Variants in SLC35F3 observed in about 807,000 individuals in gnomAD.
The protein encoded by SLC35F3 is solute carrier family 35 member F3.
A neutral mutation model predicts 49.9 loss-of-function variants in SLC35F3; 25 were observed. The ratio of observed to expected loss-of-function variants is 0.50; its 90% CI spans 0.37 to 0.70. The LOEUF (loss-of-function observed/expected upper bound fraction) is 0.70, where lower values mean the gene tolerates loss of function less well. Ranked by LOEUF, SLC35F3 falls within the 30% of genes least tolerant of loss-of-function variation. SLC35F3 has a pLI of 0.00. For missense variants in SLC35F3, 525 were observed against 639.8 expected, an observed-to-expected ratio of 0.82 and a Z score of 1.94; for synonymous variants, 275 against 265.4, an observed-to-expected ratio of 1.04 and a Z score of -0.35.
chr1:234,156,914 G>T (rs562642857), intron 2 of SLC35F3, among the ~76,000 whole-genome samples: 6 of 152,270 alleles, frequency 3.9e-5, no homozygotes, highest in African/African-American at 1.4e-4. Flanking sequence ...GATTAGGTAA[G>T]CGCAGAGAGA....
rs112425777 is a variant in SLC35F3, at chr1:234,165,322, T to C, written c.284-66095T>C. ...ATTCTGTCATCATCTGGTTTTATCC[T>C]CTCTCTTATAATTCAGTCGCTATTA... On this transcript the variant is annotated intron_variant, in intron 2 of 7. Transcript: ENST00000366618. Among the ~76,000 whole-genome samples, 1,155 of 152,270 alleles carry C rather than the reference T, an allele frequency of 7.6e-3. 20 individuals carry two copies. The highest frequency in any genetic ancestry group is 0.025 in the African/African-American group (1,044 of 41,540).
chr1:234,268,359 A>AGGCG (rs1572125678), intron 3 of SLC35F3, among the ~76,000 whole-genome samples: 2 of 146,934 alleles, frequency 1.4e-5, no homozygotes, highest in Non-Finnish European at 3.0e-5. Flanking sequence ...GCAGGCTGTC[A>AGGCG]GGAGAATCAG....
At chr1:234,147,888 T>C (rs919866067) in intron 2 of SLC35F3, among the ~76,000 whole-genome samples, 8 of 152,232 alleles carry the variant, frequency 5.3e-5, no homozygotes, top group Non-Finnish European at 1.2e-4. Flanking sequence ...ACCTGGTGAT[T>C]GGCATCTCTA....
At chr1:234,278,202 AT>A (rs1023628343) in intron 3 of SLC35F3, among the ~76,000 whole-genome samples, 6 of 151,724 alleles carry the variant, frequency 4.0e-5, no homozygotes, top group South Asian at 2.1e-4. Flanking sequence ...CGAAAAAAAA[AT>A]AAAAGGGCCG....
intron 2 of SLC35F3, among the ~76,000 whole-genome samples, chr1:234,040,828 A>T (rs1181635546): frequency 6.6e-6 from 1 of 152,180 alleles, no homozygotes; most frequent in Non-Finnish European, 1.5e-5. Flanking sequence ...TTATTCTGGG[A>T]TATGTCTGAA....
At chr1:233,993,903 C>T (rs1379059206) in intron 2 of SLC35F3, among the ~76,000 whole-genome samples, 2 of 152,156 alleles carry the variant, frequency 1.3e-5, no homozygotes, top group Admixed American at 6.5e-5. Context: ...CCCAACCTGC[C>T]GCATGCTCAA....
At chr1:234,108,721 A>C in intron 2 of SLC35F3, among the ~76,000 whole-genome samples, 1 of 71,830 alleles carries the variant, frequency 1.4e-5, no homozygotes, top group South Asian at 6.5e-4. Context: ...TAAAAGATAT[A>C]TATAAATATA....
chr1:233,999,406 C>T (rs1040256639), intron 2 of SLC35F3, among the ~76,000 whole-genome samples: 23 of 152,118 alleles, frequency 1.5e-4, no homozygotes, highest in Admixed American at 7.9e-4. Context: ...CCACTCTTAT[C>T]CTATTTCTCT....
chr1:234,146,403 A>G (rs1665995750), intron 2 of SLC35F3, among the ~76,000 whole-genome samples: 1 of 149,112 alleles, frequency 6.7e-6, no homozygotes, highest in Non-Finnish European at 1.5e-5. Flanking sequence ...TTTAGTTTTT[A>G]ATTTTTATGG....
At chr1:234,134,912 G>T (rs1017095061) in intron 2 of SLC35F3, among the ~76,000 whole-genome samples, 1 of 152,026 alleles carries the variant, frequency 6.6e-6, no homozygotes, top group African/African-American at 2.4e-5. Flanking sequence ...AGTAGAGACG[G>T]GGTTTAGCTT....
At chr1:234,130,595 C>T (rs1299033339) in intron 2 of SLC35F3, among the ~76,000 whole-genome samples, 3 of 149,238 alleles carry the variant, frequency 2.0e-5, no homozygotes, top group Non-Finnish European at 4.4e-5. Context: ...GCCGAGAGAT[C>T]GTGCCACTGC....
intron 2 of SLC35F3, among the ~76,000 whole-genome samples, chr1:234,130,738 C>T (rs1429570692): frequency 6.6e-6 from 1 of 151,720 alleles, no homozygotes; most frequent in Non-Finnish European, 1.5e-5. Context: ...CATATATTGG[C>T]ACCATCACTT....
intron 2 of SLC35F3, among the ~76,000 whole-genome samples, chr1:233,943,251 C>T (rs1662458466): frequency 6.6e-6 from 1 of 152,182 alleles, no homozygotes. Context: ...AAAGAGTGGT[C>T]TATAGGTGTC....
chr1:233,972,735 A>G (rs767520454), intron 2 of SLC35F3, among the ~76,000 whole-genome samples: 1 of 152,236 alleles, frequency 6.6e-6, no homozygotes, highest in Admixed American at 6.5e-5. Flanking sequence ...TCTCTGTTCA[A>G]ACATTACTTG....
intron 3 of SLC35F3, among the ~76,000 whole-genome samples, chr1:234,307,691 G>C (rs988272881): frequency 1.3e-5 from 2 of 152,160 alleles, no homozygotes. Context: ...ATTTGGGACT[G>C]AGTCTATTTC....
chr1:234,170,655 G>A (rs1157114074), intron 2 of SLC35F3, among the ~76,000 whole-genome samples: 1 of 152,124 alleles, frequency 6.6e-6, no homozygotes, highest in East Asian at 1.9e-4. Flanking sequence ...TATAAGTGCA[G>A]CATTCACAAC....
chr1:234,310,954 C>T (rs1657339858), intron 4 of SLC35F3, among the ~76,000 whole-genome samples: 3 of 152,198 alleles, frequency 2.0e-5, no homozygotes, highest in African/African-American at 7.2e-5. Context: ...ATGGCACATT[C>T]CGGCCATGGT....
rs781469880 is a variant in SLC35F3 at position 234,081,904 on chromosome 1, ATTTTTTTTTTTT to A, written c.284-149492_284-149481del. ...AGGCGCCTGCCACCATGCCTGGCTA[ATTTTTTTTTTTT>A]TTTTTTTTTTTTTTTTTTTTAGTAG... On this transcript the variant is annotated intron_variant, in intron 2 of 7. Coordinates refer to ENST00000366618, the MANE Select transcript of SLC35F3 (RefSeq NM_173508.4). Among the ~76,000 whole-genome samples the A allele has an allele frequency of 4.6e-3, 179 of 39,242 alleles. 4 individuals are homozygous for A. Among genetic ancestry groups the A allele is most frequent in the African/African-American group, 0.02 (149 of 7,472 alleles). 25.7% of individuals were successfully genotyped at this position (39,242 alleles called of 152,430 possible). A position where few individuals can be genotyped will look rare whatever the true frequency, so the allele number is the denominator to read the frequency against.
chr1:234,131,790 G>A (rs10910352), intron 2 of SLC35F3, among the ~76,000 whole-genome samples: 58,629 of 152,052 alleles, frequency 0.39, 13,258 homozygotes, highest in Non-Finnish European at 0.52. Context: ...ACTAGAAAGC[G>A]TTTGGCAGGT....
Sources: gnomAD v4.1 joint callset for allele counts (sites outside exome capture counted in the v4.1 genomes callset) on GRCh38, gnomAD v4.1.1 for gene constraint, MANE v1.5 for transcripts, NCBI Gene and HGNC (gene_info 2026-07-23, HGNC 2026-07-21) for gene names.